HACD2: variants seen among roughly 807,000 people sequenced by gnomAD.
HACD2 encodes the protein very-long-chain (3R)-3-hydroxyacyl-CoA dehydratase 2.
HACD2 carries 15 observed loss-of-function variants against 31.0 expected under a neutral mutation model. That is an observed-to-expected ratio of 0.48 (90% CI 0.32 to 0.75). The LOEUF (loss-of-function observed/expected upper bound fraction) is 0.75, where lower values mean the gene tolerates loss of function less well. Among genes scored for constraint, HACD2 ranks in the 30% least tolerant of loss-of-function variants. The pLI, the probability that HACD2 is intolerant of heterozygous loss-of-function variation, is 0.03. For synonymous variants in HACD2, 115 were observed against 122.2 expected (o/e 0.94, Z 0.39); for missense variants, 283 against 313.0 (o/e 0.90, Z 0.72).
intron 3 of HACD2, among the ~76,000 whole-genome samples, chr3:123,530,483 ACTGCAAC>A (rs1253906602): frequency 6.7e-6 from 1 of 148,688 alleles, no homozygotes; most frequent in African/African-American, 2.5e-5. Context: ...ATCTCAGCTC[ACTGCAAC>A]CTCCAACTCC....
intron 4 of HACD2, among the ~76,000 whole-genome samples, chr3:123,508,738 G>A (rs1004785753): frequency 1.3e-5 from 2 of 152,168 alleles, no homozygotes; most frequent in African/African-American, 4.8e-5. Flanking sequence ...TGGAAAAACT[G>A]TACGTTTGTC....
intron 2 of HACD2, among the ~76,000 whole-genome samples, chr3:123,578,855 G>A (rs975913452): frequency 1.3e-5 from 2 of 152,198 alleles, no homozygotes; most frequent in African/African-American, 4.8e-5. Flanking sequence ...TAACTTATGT[G>A]TAATTAAACA....
chr3:123,535,712 G>A (rs952672264), intron 3 of HACD2, among the ~76,000 whole-genome samples: 1 of 152,178 alleles, frequency 6.6e-6, no homozygotes, highest in African/African-American at 2.4e-5. Flanking sequence ...CCTCATCCAT[G>A]CTGAGCCTTC....
chr3:123,556,974 C>T lies in HACD2; in HGVS notation c.292+10788G>A, dbSNP rs148644726. On this transcript the variant is annotated intron_variant, in intron 3 of 6. Transcript: ENST00000383657. ...TGACTAAAATTAAAAATTTCTGCTC[C>T]GCAAAAGATACTGTAAAGGGAATAA... is the stretch of plus-strand genomic sequence containing the variant. Among the ~76,000 whole-genome samples the T allele has an allele frequency of 2.4e-3, 362 of 152,306 alleles. 1 individual carries two copies. Among genetic ancestry groups the T allele is most frequent in the Non-Finnish European group, 4.1e-3 (278 of 68,020 alleles).
intron 2 of HACD2, among the ~76,000 whole-genome samples, chr3:123,569,641 C>T (rs1483553952): frequency 6.6e-6 from 1 of 152,102 alleles, no homozygotes; most frequent in Admixed American, 6.6e-5. Flanking sequence ...GGATTACAGG[C>T]ATGAGCCACT....
chr3:123,496,451 C>T (rs566841273), intron 6 of HACD2, among the ~76,000 whole-genome samples: 50 of 152,294 alleles, frequency 3.3e-4, no homozygotes, highest in African/African-American at 1.1e-3. Flanking sequence ...ATGATCCTCC[C>T]AAAGTACGCC....
chr3:123,502,753 CA>C, intron 4 of HACD2, 72 bp from the exon 5 acceptor site: 1 of 1,504,008 alleles, frequency 6.6e-7, no homozygotes, highest in Non-Finnish European at 9.0e-7. Flanking sequence ...CAGCACCCGG[CA>C]GAGCCAGGGA....
intron 3 of HACD2, among the ~76,000 whole-genome samples, chr3:123,542,693 G>C (rs1576765195): frequency 2.0e-5 from 3 of 152,138 alleles, no homozygotes. Flanking sequence ...TCCACTGAGA[G>C]AGACATGATG....
rs2056167078 is a variant in HACD2 at position 123,517,936 on chromosome 3, T to TTAAA, written c.381+10449_381+10450insTTTA. On this transcript the variant is annotated intron_variant, in intron 4 of 6. Transcript: ENST00000383657. The stretch of plus-strand genomic sequence containing the variant: ...GGCCGGGCGCGGTGGCTCACGCCTG[T>TTAAA]AATCCCAGCACTTTGGGAGGCCGAG... 1.4e-4 allele frequency among the ~76,000 whole-genome samples: 2 copies of TTAAA among 14,366 alleles called. 1 individual carries two copies. The highest frequency in any genetic ancestry group is 0.02 in the Non-Finnish European group (2 of 98). 9.4% of individuals were successfully genotyped at this position (14,366 alleles called of 152,430 possible).
intron 3 of HACD2, among the ~76,000 whole-genome samples, chr3:123,533,877 A>T (rs1167737208): frequency 6.6e-6 from 1 of 152,226 alleles, no homozygotes; most frequent in Non-Finnish European, 1.5e-5. Context: ...GGACAGCATG[A>T]TTACAACTTG....
intron 3 of HACD2, among the ~76,000 whole-genome samples, chr3:123,539,236 T>G (rs983452758): frequency 2.6e-5 from 4 of 152,080 alleles, no homozygotes; most frequent in African/African-American, 7.2e-5. Context: ...TTTAGAAAAC[T>G]TGGGAAGAAA....
At chr3:123,514,147 C>T (rs1337168087) in intron 4 of HACD2, among the ~76,000 whole-genome samples, 2 of 151,976 alleles carry the variant, frequency 1.3e-5, no homozygotes, top group South Asian at 2.1e-4. Context: ...TGGTGGCAAG[C>T]GCCTGTGGTC....
Position 123,509,020 on chromosome 3 carries a change from T to C in HACD2, c.382-6339A>G, listed in dbSNP as rs117242473. ...CTAAACTTATTTCCCAAAGGTCCCA[T>C]TGCCAAATACCATCGCGCTGGGGGT... On this transcript the variant is annotated intron_variant, in intron 4 of 6. Transcript: ENST00000383657. Among the ~76,000 whole-genome samples the C allele has an allele frequency of 2.1e-4, 32 of 152,218 alleles. No individual in the cohort carries two copies. In the East Asian group the frequency reaches 4.1e-3, roughly 19 times the overall value.
At chr3:123,551,661 T>C (rs1232226349) in intron 3 of HACD2, among the ~76,000 whole-genome samples, 1 of 151,902 alleles carries the variant, frequency 6.6e-6, no homozygotes, top group East Asian at 1.9e-4. Flanking sequence ...AATAAATACT[T>C]GTGGGTTTTC....
chr3:123,566,543 C>T (rs1448289499), intron 3 of HACD2, among the ~76,000 whole-genome samples: 1 of 151,772 alleles, frequency 6.6e-6, no homozygotes, highest in Non-Finnish European at 1.5e-5. Context: ...CTCAGCCTCC[C>T]AAGGTGCTGG....
intron 1 of HACD2, 35 bp downstream of exon 1, chr3:123,584,838 C>T: frequency 6.9e-7 from 1 of 1,455,588 alleles, no homozygotes; most frequent in Non-Finnish European, 9.1e-7. Context: ...TCCCCGGCCG[C>T]GCTGGCTCCC....
intron 3 of HACD2, among the ~76,000 whole-genome samples, chr3:123,535,758 T>G (rs946006280): frequency 1.3e-5 from 2 of 152,168 alleles, no homozygotes; most frequent in African/African-American, 4.8e-5. Context: ...GATATAAAAT[T>G]CTCTATGGGA....
chr3:123,543,736 AC>A, intron 3 of HACD2: 1 of 383,446 alleles, frequency 2.6e-6, no homozygotes, highest in South Asian at 2.1e-5. Context: ...ATGCATACAG[AC>A]CAGGTCTAAA....
intron 4 of HACD2, among the ~76,000 whole-genome samples, chr3:123,516,068 G>C (rs770844295): frequency 6.6e-6 from 1 of 151,624 alleles, no homozygotes; most frequent in Non-Finnish European, 1.5e-5. Context: ...CCTAGTATTA[G>C]TCTTTTCACA....
Sources: allele counts gnomAD v4.1 joint callset (sites outside exome capture counted in the v4.1 genomes callset), GRCh38; gene constraint gnomAD v4.1.1; transcripts MANE v1.5; gene names NCBI Gene and HGNC (gene_info 2026-07-23, HGNC 2026-07-21).